Variants in DCST1 observed in about 807,000 individuals in gnomAD.
DCST1 encodes the protein DC-STAMP domain containing 1, also known as E3 ubiquitin-protein ligase DCST1.
DCST1 carries 78 observed loss-of-function variants against 89.1 expected under a neutral mutation model. The observed-to-expected ratio is 0.88, with a 90% CI of 0.73 to 1.06. The LOEUF is 1.06. Among genes scored for constraint, DCST1 ranks in the 50% least tolerant of loss-of-function variants. DCST1 has a pLI of 0.00. For synonymous variants in DCST1, 364 were observed against 371.9 expected (o/e 0.98, Z 0.24); for missense variants, 900 against 928.6 (o/e 0.97, Z 0.40).
intron 5 of DCST1, among the ~76,000 whole-genome samples, chr1:155,040,260 G>T (rs1348945380): frequency 2.8e-5 from 4 of 141,214 alleles, no homozygotes; most frequent in Admixed American, 7.6e-5. Flanking sequence ...CAGAGATCGA[G>T]CCACTGCACT....
chr1:155,048,191 T>A, intron 16 of DCST1, 21 bp downstream of exon 16: 1 of 1,603,876 alleles, frequency 6.2e-7, no homozygotes, highest in African/African-American at 1.3e-5. Flanking sequence ...GCGTAAGTGC[T>A]GCTGCCAGCT....
chr1:155,040,589 A>ACAGC lies in DCST1; in HGVS notation c.498_501dup (p.Pro168SerfsTer13), dbSNP rs762431018. On this transcript the variant is annotated frameshift_variant, in exon 6 of 17. Transcript: ENST00000295542. LOFTEE classifies it high-confidence loss of function. ...CACCCGCGCAGCTTGGCGCATCTCC[A>ACAGC]CAGCCCCCTTACGGGCCATGTTCAA... The ACAGC allele has an allele frequency of 6.3e-7, 1 of 1,585,518 alleles. No individual in the cohort carries two copies. The highest frequency in any genetic ancestry group is 8.6e-7 in the Non-Finnish European group (1 of 1,165,090).
upstream of DCST1, chr1:155,033,821 C>T: frequency 6.8e-7 from 1 of 1,463,304 alleles, no homozygotes; most frequent in Non-Finnish European, 9.2e-7. Flanking sequence ...TCTTGGAATC[C>T]TTGACCCAGT....
rs1660633317 is a variant in DCST1, at chr1:155,046,462, T to C, written c.1471T>C (p.Ser491Pro). The C allele has an allele frequency of 6.2e-7, 1 of 1,614,000 alleles. No homozygotes were observed. ...YSIFDTIRHHSFLQYSFRSSH... is the reference protein window; with the variant it reads ...YSIFDTIRHHPFLQYSFRSSH... ...CATCTTCGACACCATCCGCCACCAC[T>C]CCTTCCTGCAGTACTCCTTCCGCAG... Residue 491 changes from serine to proline, a missense_variant, in exon 13 of 17, where the codon TCC becomes CCC. Physicochemically the swap from Ser to Pro is moderately conservative, Grantham distance 74. Transcript: ENST00000295542.
Position 155,050,639 on chromosome 1 carries a change from T to C in DCST1, c.1892T>C (p.Leu631Pro), listed in dbSNP as rs998199725. The change falls in exon 17 of 17, where the codon CTG becomes CCG. Residue 631 changes from leucine (L) to proline (P), a missense_variant. Leu to Pro is a moderately conservative substitution (Grantham distance 98). Coordinates refer to ENST00000295542, the MANE Select transcript of DCST1 (RefSeq NM_152494.4). ...KAPRHPLADI[L>P]HRGCPLLRRW... ...CAGCGCCACCCGCTGGCGGATATCC[T>C]GCACCGCGGCTGCCCGCTCCTGCGC... is the stretch of plus-strand genomic sequence containing the variant. 1.9e-6 allele frequency: 3 copies of C among 1,593,900 alleles called. No individual in the cohort carries two copies. The highest frequency in any genetic ancestry group is 2.6e-6 in the Non-Finnish European group (3 of 1,174,454).
intron 10 of DCST1, chr1:155,045,669 G>T: frequency 1.8e-6 from 1 of 565,270 alleles, no homozygotes; most frequent in Non-Finnish European, 3.2e-6. Flanking sequence ...CTTCTGCTAT[G>T]TCTCACCCAT....
intron 6 of DCST1, among the ~76,000 whole-genome samples, 157 bp from the exon 7 acceptor site, chr1:155,041,240 G>A (rs1660431935): frequency 6.6e-6 from 1 of 152,180 alleles, no homozygotes; most frequent in South Asian, 2.1e-4. Flanking sequence ...TGGACAGCCG[G>A]GAATTTGAGG....
rs374994995 is a variant in DCST1 at position 155,042,790 on chromosome 1, C to G, written c.948C>G (p.Thr316=). Residue 316 remains threonine (T), a synonymous_variant, in exon 9 of 17, where the codon ACC becomes ACG. Coordinates refer to ENST00000295542, the MANE Select transcript of DCST1 (RefSeq NM_152494.4). ...CAGTGGAAGGCAACTTTGGGCAGAC[C>G]TACGACTCCCTCAACCAGTCTATTC... is the stretch of plus-strand genomic sequence containing the variant. ...RIPVEGNFGQ[T]YDSLNQSIRG... 2.1e-5 allele frequency: 34 copies of G among 1,614,074 alleles called. No homozygotes were observed. The African/African-American group carries it at 4.0e-4, about 19-fold the overall frequency.
At chr1:155,045,852 A>G in intron 10 of DCST1, 41 bp from the exon 11 acceptor site, 1 of 1,555,596 alleles carries the variant, frequency 6.4e-7, no homozygotes, top group South Asian at 1.1e-5. Context: ...GATGAGGAGA[A>G]CCTGGAAGAG....
At chr1:155,040,130 G>A (rs577536576) in intron 5 of DCST1, among the ~76,000 whole-genome samples, 174 of 148,702 alleles carry the variant, frequency 1.2e-3, no homozygotes, top group Non-Finnish European at 2.2e-3. Context: ...CTGAAACCCC[G>A]TCTCTACTAA....
In DCST1 at chr1:155,039,460, T is replaced by C; in HGVS notation, c.320T>C (p.Leu107Pro). 1 of 1,601,966 alleles carries C rather than the reference T, an allele frequency of 6.2e-7. No homozygotes were observed. The highest frequency in any genetic ancestry group is 1.1e-5 in the South Asian group (1 of 88,424). ...SPHIRCASLLLVPKMLGKEGR... is the reference protein window; with the variant it reads ...SPHIRCASLLPVPKMLGKEGR... ...CACATCCGCTGTGCCAGCCTCCTAC[T>C]AGTACCCAAGATGCTGGGCAAGGAA... Residue 107 changes from leucine (L) to proline (P), a missense_variant, in exon 5 of 17, where the codon CTA becomes CCA. By Grantham distance (98) the Leu-to-Pro change is moderately conservative. Coordinates refer to ENST00000295542, the MANE Select transcript of DCST1 (RefSeq NM_152494.4).
chr1:155,040,302 C>CAAAA (rs35215394), intron 5 of DCST1, among the ~76,000 whole-genome samples, 183 bp from the exon 6 acceptor site: 1 of 59,884 alleles, frequency 1.7e-5, no homozygotes, highest in Non-Finnish European at 3.7e-5. Flanking sequence ...GACTCCGTCT[C>CAAAA]AAAAAAAAAA....
chr1:155,043,720 A>G (rs867103938), intron 10 of DCST1, among the ~76,000 whole-genome samples: 1 of 152,140 alleles, frequency 6.6e-6, no homozygotes, highest in Admixed American at 6.5e-5. Context: ...TAAAAGGCCA[A>G]CCGTCTTCAT....
At chr1:155,034,788 C>T in intron 4 of DCST1, 61 bp downstream of exon 4, 1 of 1,573,494 alleles carries the variant, frequency 6.4e-7, no homozygotes, top group Non-Finnish European at 8.7e-7. Flanking sequence ...CGCCGTCCTG[C>T]ATGCCCAGGA....
chr1:155,049,417 A>ATTT lies in DCST1; in HGVS notation c.1870-1187_1870-1185dup, dbSNP rs35719405. ...CTGCCTTACATGACAATTGAATTGA[A>ATTT]TTTTTTTTTTTTTTTGAGACTAAGT... On this transcript the variant is annotated intron_variant, in intron 16 of 16. Transcript: ENST00000295542. Among the ~76,000 whole-genome samples the ATTT allele has an allele frequency of 3.5e-3, 519 of 146,262 alleles. 3 individuals carry two copies. The highest frequency in any genetic ancestry group is 0.014 in the Middle Eastern group (4 of 284).
chr1:155,048,035 T>C, intron 15 of DCST1, 22 bp from the exon 16 acceptor site: 1 of 1,613,728 alleles, frequency 6.2e-7, no homozygotes, highest in African/African-American at 1.3e-5. Context: ...TTCTCTATCA[T>C]TGACCCCCTT....
chr1:155,038,483 G>A (rs530774466), intron 4 of DCST1, among the ~76,000 whole-genome samples: 15 of 152,368 alleles, frequency 9.8e-5, no homozygotes, highest in South Asian at 2.1e-4. Context: ...TATAGTCCCA[G>A]TAAGAGATGA....
At position 155,042,853 on chromosome 1, in the gene DCST1, C is replaced by A. The variant is rs1203822615; in HGVS notation, c.1011C>A (p.Phe337Leu). Residue 337 changes from phenylalanine to leucine, a missense_variant, in exon 9 of 17, where the codon TTC becomes TTA. Transcript: ENST00000295542. ...GGGAATTTTCAGCCAATATTGACTT[C>A]AAGGTAGAAGGCAAGGGCGAGGGTT... ...LDGEFSANID[F>L]KEEKQAGVLG... 6.2e-7 allele frequency: 1 copy of A among 1,613,886 alleles called. No homozygotes were observed. Among genetic ancestry groups the A allele is most frequent in the African/African-American group, 1.3e-5 (1 of 74,850 alleles).
chr1:155,044,745 G>A (rs1660559877), intron 10 of DCST1, among the ~76,000 whole-genome samples: 1 of 152,198 alleles, frequency 6.6e-6, no homozygotes, highest in Non-Finnish European at 1.5e-5. Context: ...GAACTGAAGT[G>A]GGCATGACCA....
Sources: gnomAD v4.1 joint callset for allele counts (sites outside exome capture counted in the v4.1 genomes callset) on GRCh38, gnomAD v4.1.1 for gene constraint, MANE v1.5 for transcripts, NCBI Gene and HGNC (gene_info 2026-07-23, HGNC 2026-07-21) for gene names.